Variants in SORBS2 observed in about 807,000 individuals in gnomAD.
The protein encoded by SORBS2 is sorbin and SH3 domain-containing protein 2.
Under a neutral mutation model 97.7 loss-of-function variants are expected in SORBS2, and 46 were observed. The observed-to-expected ratio is 0.47, with a 90% CI of 0.37 to 0.60. SORBS2 has a LOEUF of 0.60. SORBS2 is among the 20% of genes least tolerant of loss of function. The pLI is 0.00. For synonymous variants in SORBS2, 476 were observed against 473.4 expected, an observed-to-expected ratio of 1.01 and a Z score of -0.07; for missense variants, 1,316 against 1,282.3, an observed-to-expected ratio of 1.03 and a Z score of -0.40.
chr4:185,816,303 T>C (rs2099193222), intron 1 of SORBS2, among the ~76,000 whole-genome samples: 1 of 152,256 alleles, frequency 6.6e-6, no homozygotes, highest in Non-Finnish European at 1.5e-5. Flanking sequence ...CCAAAGGATC[T>C]GGTCCCTGGC....
intron 2 of SORBS2, among the ~76,000 whole-genome samples, chr4:185,695,555 CAT>C (rs2098164382): frequency 6.6e-6 from 1 of 151,374 alleles, no homozygotes; most frequent in African/African-American, 2.4e-5. Flanking sequence ...AAAATACAAT[CAT>C]ATTAAGGTTA....
intron 1 of SORBS2, among the ~76,000 whole-genome samples, chr4:185,823,057 T>C (rs56041433): frequency 0.12 from 18,794 of 152,254 alleles, 1,284 homozygotes; most frequent in African/African-American, 0.16. Context: ...CCTTATCTTA[T>C]GTAAAGTGCC....
At chr4:185,904,786 G>T (rs2099249762) in intron 1 of SORBS2, among the ~76,000 whole-genome samples, 1 of 152,188 alleles carries the variant, frequency 6.6e-6, no homozygotes, top group African/African-American at 2.4e-5. Context: ...ACTGAACCAA[G>T]TGAGAAGTGC....
At chr4:185,821,667 GC>G (rs2099196893) in intron 1 of SORBS2, among the ~76,000 whole-genome samples, 1 of 152,056 alleles carries the variant, frequency 6.6e-6, no homozygotes, top group Non-Finnish European at 1.5e-5. Flanking sequence ...CAGGTGATCT[GC>G]CCGCCTCAGC....
At chr4:185,755,277 T>A (rs2098823897) in intron 2 of SORBS2, among the ~76,000 whole-genome samples, 1 of 152,234 alleles carries the variant, frequency 6.6e-6, no homozygotes, top group Non-Finnish European at 1.5e-5. Flanking sequence ...TTGCTTCCCA[T>A]CGCAAGCACA....
chr4:185,688,492 T>TGATGATAGATA lies in SORBS2; in HGVS notation c.-197-9671_-197-9670insTATCTATCATC, dbSNP rs749222117. Among the ~76,000 whole-genome samples, 123 of 114,338 alleles carry TGATGATAGATA rather than the reference T, an allele frequency of 1.1e-3. 1 individual carries two copies. Among genetic ancestry groups the TGATGATAGATA allele is most frequent in the African/African-American group, 3.4e-3 (117 of 34,494 alleles). The allele number at this position is 114,338 out of a possible 152,430, so 75.0% of individuals were successfully genotyped here. ...TTATCTGCATTATCTATCTGTCTATTGATAGATAGATAAATAGATAGATAG... is the reference window on the plus strand; with the variant it reads ...TTATCTGCATTATCTATCTGTCTATTGATGATAGATAGATAGATAGATAAATAGATAGATAG... On this transcript the variant is annotated intron_variant, in intron 2 of 20. Transcript: ENST00000284776.
At chr4:185,625,320 ATT>A (rs1332086105) in intron 6 of SORBS2, among the ~76,000 whole-genome samples, 1 of 152,254 alleles carries the variant, frequency 6.6e-6, no homozygotes, top group Non-Finnish European at 1.5e-5. Context: ...TTTGGCCTCA[ATT>A]TTGAATAGCT....
chr4:185,809,705 T>A (rs1214856481), intron 1 of SORBS2, among the ~76,000 whole-genome samples: 1 of 152,192 alleles, frequency 6.6e-6, no homozygotes, highest in Non-Finnish European at 1.5e-5. Context: ...GTGTATAGCA[T>A]GTCATCTTAA....
At chr4:185,676,212 T>C (rs536320736) in intron 4 of SORBS2, among the ~76,000 whole-genome samples, 1 of 152,354 alleles carries the variant, frequency 6.6e-6, no homozygotes, top group East Asian at 1.9e-4. Flanking sequence ...AGTATTCTCA[T>C]TTCTTTGTTC....
intron 1 of SORBS2, among the ~76,000 whole-genome samples, chr4:185,922,031 A>C (rs1411289949): frequency 6.6e-6 from 1 of 152,178 alleles, no homozygotes; most frequent in African/African-American, 2.4e-5. Flanking sequence ...TCATCTGATG[A>C]ATGGATTTGG....
chr4:185,657,413 G>A (rs1452419322), upstream of SORBS2: 3 of 1,529,080 alleles, frequency 2.0e-6, no homozygotes, highest in Non-Finnish European at 2.6e-6. Flanking sequence ...GCACACGCTG[G>A]CATTTCCTAC....
At chr4:185,951,882 G>A (rs1200595054) in intron 1 of SORBS2, among the ~76,000 whole-genome samples, 1 of 152,122 alleles carries the variant, frequency 6.6e-6, no homozygotes, top group African/African-American at 2.4e-5. Flanking sequence ...TATGTGACAG[G>A]CATTTTGCTA....
At chr4:185,599,028 A>G (rs1425558765) in intron 12 of SORBS2, among the ~76,000 whole-genome samples, 1 of 152,210 alleles carries the variant, frequency 6.6e-6, no homozygotes, top group Admixed American at 6.5e-5. Flanking sequence ...AGTCTCTACA[A>G]ATTGGCATTT....
chr4:185,938,393 C>CACAA (rs1561319511), intron 1 of SORBS2, among the ~76,000 whole-genome samples: 3 of 76,126 alleles, frequency 3.9e-5, no homozygotes, highest in African/African-American at 1.4e-4. Flanking sequence ...GACACATACA[C>CACAA]ACACACACAC....
intron 2 of SORBS2, among the ~76,000 whole-genome samples, chr4:185,770,440 T>C (rs1358963830): frequency 1.3e-5 from 2 of 152,218 alleles, no homozygotes; most frequent in Non-Finnish European, 2.9e-5. Flanking sequence ...ATGTTGGTGC[T>C]CAAAACGTTG....
intron 1 of SORBS2, among the ~76,000 whole-genome samples, chr4:185,871,380 A>G (rs911579808): frequency 2.0e-5 from 3 of 152,178 alleles, no homozygotes; most frequent in Non-Finnish European, 2.9e-5. Context: ...TGGAAACACT[A>G]AGAGAGCTTA....
At chr4:185,759,970 A>C (rs1013786061) in intron 2 of SORBS2, among the ~76,000 whole-genome samples, 1 of 152,222 alleles carries the variant, frequency 6.6e-6, no homozygotes, top group Non-Finnish European at 1.5e-5. Context: ...CAGCACTTTC[A>C]TATTCCTATG....
chr4:185,657,385 G>T (rs886910260), upstream of SORBS2: 12 of 1,477,900 alleles, frequency 8.1e-6, no homozygotes, highest in Non-Finnish European at 1.1e-5. Context: ...TGGAGTCTGT[G>T]CACAGCCCCA....
intron 1 of SORBS2, among the ~76,000 whole-genome samples, chr4:185,852,844 A>AT (rs1464172210): frequency 2.0e-5 from 3 of 152,210 alleles, no homozygotes; most frequent in Non-Finnish European, 4.4e-5. Flanking sequence ...TTGAATTAAC[A>AT]TAAAAACAGT....
Sources: allele counts gnomAD v4.1 joint callset (sites outside exome capture counted in the v4.1 genomes callset), GRCh38; gene constraint gnomAD v4.1.1; transcripts MANE v1.5; gene names NCBI Gene and HGNC (gene_info 2026-07-23, HGNC 2026-07-21).